Variants in ETS2 observed in about 807,000 individuals in gnomAD.
The protein encoded by ETS2 is protein C-ets-2.
A neutral mutation model predicts 54.9 loss-of-function variants in ETS2; 19 were observed. The observed-to-expected ratio is 0.35, with a 90% CI of 0.24 to 0.51. The LOEUF (loss-of-function observed/expected upper bound fraction) is 0.51. Ranked by LOEUF, ETS2 falls within the 20% of genes least tolerant of loss-of-function variation. The pLI is 0.97. For missense variants in ETS2, 417 were observed against 593.0 expected, an observed-to-expected ratio of 0.70 and a Z score of 3.08; for synonymous variants, 219 against 229.3, an observed-to-expected ratio of 0.95 and a Z score of 0.41.
chr21:38,819,444 T>G lies in ETS2; in HGVS notation c.812-59T>G, dbSNP rs141191067. The G allele has an allele frequency of 3.8e-4, 583 of 1,551,262 alleles. 10 individuals are homozygous for G. In the African/African-American group the frequency reaches 6.4e-3, roughly 17 times the overall value. ...GTAGTGGTTGGTGATGCTATGGTCG[T>G]GCCCAAGACCAACTGTGTCCTGGAG... is the stretch of plus-strand genomic sequence containing the variant. On this transcript the variant is annotated intron_variant, in intron 7 of 9. Transcript: ENST00000360938.
rs1421294822 is a variant in ETS2 at position 38,821,023 on chromosome 21, C to G, written c.1076-563C>G. 6.6e-6 allele frequency among the ~76,000 whole-genome samples: 1 copy of G among 152,186 alleles called. No homozygotes were observed. The highest frequency in any genetic ancestry group is 1.5e-5 in the Non-Finnish European group (1 of 68,040). On this transcript the variant is annotated intron_variant, in intron 8 of 9. Coordinates refer to ENST00000360938, the MANE Select transcript of ETS2 (RefSeq NM_005239.6). The surrounding 1 kb of genome is among the most constrained non-coding windows in gnomAD (Gnocchi z 4.2). ...TCTTGGCAAAGCATGCTTCACCAGA[C>G]AGAGGCTGTGAGGCAACGGGTGTGA...
At position 38,823,054 on chromosome 21, in the gene ETS2, G is replaced by T; in HGVS notation, c.*165G>T. 1 of 484,018 alleles carries T rather than the reference G, an allele frequency of 2.1e-6. No homozygotes were observed. The highest frequency in any genetic ancestry group is 4.4e-5 in the South Asian group (1 of 22,678). The allele number at this position is 484,018 out of a possible 1,614,324, so 30.0% of individuals were successfully genotyped here. A position where few individuals can be genotyped will look rare whatever the true frequency, so the allele number is the denominator to read the frequency against. On this transcript the variant is annotated 3_prime_UTR_variant, in exon 10 of 10. Transcript: ENST00000360938. ...ATCCCAAACCACGCCTCTTGACCAGGCTGCCTCCCTTGTGGCAGCAACGGC... is the reference window on the plus strand; with the variant it reads ...ATCCCAAACCACGCCTCTTGACCAGTCTGCCTCCCTTGTGGCAGCAACGGC...
intron 1 of ETS2, among the ~76,000 whole-genome samples, chr21:38,809,280 G>C (rs1157713035): frequency 6.6e-6 from 1 of 152,182 alleles, no homozygotes; most frequent in Non-Finnish European, 1.5e-5. Flanking sequence ...CATGGCAAGT[G>C]GGTACCATAT....
intron 2 of ETS2, among the ~76,000 whole-genome samples, chr21:38,812,256 T>C (rs962187624): frequency 6.6e-6 from 1 of 152,238 alleles, no homozygotes; most frequent in African/African-American, 2.4e-5. Flanking sequence ...TTAACTGCAT[T>C]GTGCTCAGAC....
chr21:38,819,990 T>C (rs459411), intron 8 of ETS2, among the ~76,000 whole-genome samples: 115,267 of 152,072 alleles, frequency 0.76, 44,755 homozygotes, highest in Non-Finnish European at 0.85. Context: ...GAGTGAAAAT[T>C]GACAGGCCAC....
At chr21:38,819,462 T>C (rs1163169225) in intron 7 of ETS2, 41 bp from the exon 8 acceptor site, 16 of 1,605,690 alleles carry the variant, frequency 1.0e-5, no homozygotes, top group Non-Finnish European at 1.3e-5. Flanking sequence ...ACCAACTGTG[T>C]CCTGGAGGAA....
upstream of ETS2, chr21:38,805,545 G>C (rs1021222405): frequency 2.0e-5 from 26 of 1,285,640 alleles, no homozygotes; most frequent in Middle Eastern, 9.6e-4. This position sits in a 1 kb window ranked among gnomAD's most constrained non-coding sequence, Gnocchi z 5.2. Flanking sequence ...GTGGGGCCGA[G>C]GCCCTGCTCC....
rs908247678 is a variant in ETS2 at position 38,810,086 on chromosome 21, A to G, written c.52A>G (p.Ser18Gly). 2 of 1,554,082 alleles carry G rather than the reference A, an allele frequency of 1.3e-6. No homozygotes were observed. Among genetic ancestry groups the G allele is most frequent in the African/African-American group, 1.4e-5 (1 of 70,278 alleles). The change falls in exon 2 of 10, where the codon AGT (serine) becomes GGT (glycine). Residue 18 changes from serine to glycine, a missense_variant. Physicochemically the swap from Ser to Gly is moderately conservative, Grantham distance 56. Around this residue, in one of 3 missense-constraint regions of ETS2, gnomAD observed 326 missense variants for 426.1 expected, o/e 0.76. Transcript: ENST00000360938. ...NMDQVAPVAN[S>G]YRGTLKRQPA... ...GGACCAGGTAGCCCCTGTGGCTAAC[A>G]GTTACAGAGGGACACTCAAGGTGAG...
In ETS2 at chr21:38,818,626, A is replaced by G. The variant is rs768711199; in HGVS notation, c.791A>G (p.Asn264Ser). ...VSQDFPGSNL[N>S]LLTNNSGTPK... ...CAGGACTTCCCAGGCAGCAACTTGA[A>G]TTTGCTCACCAACAATTCTGGTAAG... Residue 264 changes from asparagine to serine, a missense_variant, in exon 7 of 10, where the codon AAT becomes AGT. Around this residue, in one of 3 missense-constraint regions of ETS2, gnomAD observed 326 missense variants for 426.1 expected, o/e 0.76. Transcript: ENST00000360938. 50 of 1,614,158 alleles carry G rather than the reference A, an allele frequency of 3.1e-5. No individual in the cohort carries two copies. Among genetic ancestry groups the G allele is most frequent in the Non-Finnish European group, 4.1e-5 (48 of 1,180,028 alleles).
Position 38,822,832 on chromosome 21 carries a change from G to A in ETS2, c.1353G>A (p.Gly451=). 2.5e-6 allele frequency: 4 copies of A among 1,611,680 alleles called. No individual in the cohort carries two copies. Among genetic ancestry groups the A allele is most frequent in the Non-Finnish European group, 3.4e-6 (4 of 1,178,330 alleles). Residue 451 remains glycine, a synonymous_variant, in exon 10 of 10, where the codon GGG becomes GGA. Coordinates refer to ENST00000360938, the MANE Select transcript of ETS2 (RefSeq NM_005239.6). ...TGTGCGACCTCCAGAACTTGCTGGG[G>A]TTCACGCCCGAGGAACTGCACGCCA... is the stretch of plus-strand genomic sequence containing the variant. The part of the protein sequence containing the change: ...RFVCDLQNLL[G]FTPEELHAIL...
At chr21:38,812,425 T>C (rs2060917188) in intron 2 of ETS2, among the ~76,000 whole-genome samples, 1 of 152,234 alleles carries the variant, frequency 6.6e-6, no homozygotes, top group African/African-American at 2.4e-5. Context: ...ATATATTAAC[T>C]TAAGTGGATT....
chr21:38,816,752 C>T (rs373754896), intron 5 of ETS2, among the ~76,000 whole-genome samples: 5 of 152,072 alleles, frequency 3.3e-5, no homozygotes, highest in East Asian at 1.9e-4. Flanking sequence ...GGACCTTTTG[C>T]GATAGAAAAT....
rs369873980 is a variant in ETS2, at chr21:38,819,794, C to T, written c.1075+28C>T. ...GTGTGTGGAACTCCGAGAGCCTGGC[C>T]GCCCAGTCTCCTGGGTCCTGTCCCT... is the stretch of plus-strand genomic sequence containing the variant. On this transcript the variant is annotated intron_variant, in intron 8 of 9. Coordinates refer to ENST00000360938, the MANE Select transcript of ETS2 (RefSeq NM_005239.6). 2.8e-5 allele frequency: 45 copies of T among 1,597,686 alleles called. 1 individual carries two copies. The Middle Eastern group carries it at 8.9e-4, about 32-fold the overall frequency.
chr21:38,810,057 A>C lies in ETS2; in HGVS notation c.23A>C (p.Asn8Thr). The change falls in exon 2 of 10, where the codon AAT becomes ACT. Residue 8 changes from asparagine to threonine, a missense_variant. By Grantham distance (65) the Asn-to-Thr change is moderately conservative. Coordinates refer to ENST00000360938, the MANE Select transcript of ETS2 (RefSeq NM_005239.6). MNDFGIK[N>T]MDQVAPVANS... ...AAGATGAATGATTTCGGAATCAAGAATATGGACCAGGTAGCCCCTGTGGCT... is the reference window on the plus strand; with the variant it reads ...AAGATGAATGATTTCGGAATCAAGACTATGGACCAGGTAGCCCCTGTGGCT... 1 of 1,570,950 alleles carries C rather than the reference A, an allele frequency of 6.4e-7. No individual in the cohort carries two copies. The highest frequency in any genetic ancestry group is 8.6e-7 in the Non-Finnish European group (1 of 1,164,596).
chr21:38,813,691 G>C (rs918968330), intron 3 of ETS2, among the ~76,000 whole-genome samples: 1 of 152,258 alleles, frequency 6.6e-6, no homozygotes, highest in African/African-American at 2.4e-5. Context: ...GTCATGTGAA[G>C]TAGGTGCTGA....
chr21:38,811,440 G>A (rs569081569), intron 2 of ETS2, among the ~76,000 whole-genome samples: 9 of 152,074 alleles, frequency 5.9e-5, no homozygotes, highest in Non-Finnish European at 1.2e-4. Context: ...TTTGTAATGC[G>A]TCATTCATTG....
At chr21:38,820,391 A>G (rs2060953183) in intron 8 of ETS2, among the ~76,000 whole-genome samples, 2 of 152,192 alleles carry the variant, frequency 1.3e-5, no homozygotes, top group South Asian at 2.1e-4. Context: ...AAAAAATCTG[A>G]TAAGTTTAAA....
chr21:38,810,084 A>G lies in ETS2; in HGVS notation c.50A>G (p.Asn17Ser), dbSNP rs150592938. Reference protein sequence around the residue: ...KNMDQVAPVANSYRGTLKRQP... With the variant: ...KNMDQVAPVASSYRGTLKRQP... ...ATGGACCAGGTAGCCCCTGTGGCTA[A>G]CAGTTACAGAGGGACACTCAAGGTG... The change falls in exon 2 of 10, where the codon AAC becomes AGC. Residue 17 changes from asparagine to serine, a missense_variant. Coordinates refer to ENST00000360938, the MANE Select transcript of ETS2 (RefSeq NM_005239.6). The G allele has an allele frequency of 2.6e-6, 4 of 1,558,376 alleles. No individual in the cohort carries two copies. The African/African-American group carries it at 5.7e-5, about 22-fold the overall frequency.
chr21:38,806,532 G>A lies in ETS2; in HGVS notation c.-1+412G>A, dbSNP rs1162272605. On this transcript the variant is annotated intron_variant, in intron 1 of 9. Transcript: ENST00000360938. This position sits in a 1 kb window ranked among gnomAD's most constrained non-coding sequence, Gnocchi z 4.3. ...CGCGAACGGGAGTGGGGGCACAGGA[G>A]AGCGTGTCCGAGGTGGCCTGGCGCC... The A allele has an allele frequency of 2.0e-6, 2 of 985,426 alleles. No homozygotes were observed. The highest frequency in any genetic ancestry group is 4.7e-5 in the South Asian group (1 of 21,302). The allele number at this position is 985,426 out of a possible 1,614,324, so 61.0% of individuals were successfully genotyped here.
Sources: allele counts gnomAD v4.1 joint callset (sites outside exome capture counted in the v4.1 genomes callset), GRCh38; gene constraint gnomAD v4.1.1; regional missense constraint gnomAD v4.1.1; non-coding constraint Gnocchi (gnomAD v3.1); transcripts MANE v1.5; gene names NCBI Gene and HGNC (gene_info 2026-07-23, HGNC 2026-07-21).